Variants in NEDD4L observed in about 807,000 individuals in gnomAD.
The protein encoded by NEDD4L is E3 ubiquitin-protein ligase NEDD4-like.
A neutral mutation model predicts 148.9 loss-of-function variants in NEDD4L; 54 were observed. The ratio of observed to expected loss-of-function variants is 0.36; its 90% CI spans 0.29 to 0.45. The LOEUF is 0.45. NEDD4L is among the 20% of genes least tolerant of loss of function. The pLI is 1.00. For synonymous variants in NEDD4L, 433 were observed against 440.7 expected (o/e 0.98, Z 0.22); for missense variants, 856 against 1,233.8 (o/e 0.69, Z 4.59).
At chr18:58,199,197 A>C (rs2041103843) in intron 2 of NEDD4L, among the ~76,000 whole-genome samples, 2 of 152,282 alleles carry the variant, frequency 1.3e-5, no homozygotes, top group South Asian at 4.1e-4. Flanking sequence ...ATAGTTGTTT[A>C]ATCCACGTTG....
intron 21 of NEDD4L, among the ~76,000 whole-genome samples, chr18:58,367,510 G>A (rs2044709936): frequency 6.6e-6 from 1 of 152,186 alleles, no homozygotes; most frequent in African/African-American, 2.4e-5. Flanking sequence ...GTCAAAAACA[G>A]TCAAACATCA....
chr18:58,153,716 G>C (rs2035093191), intron 1 of NEDD4L, among the ~76,000 whole-genome samples: 1 of 151,636 alleles, frequency 6.6e-6, no homozygotes, highest in South Asian at 2.1e-4. Flanking sequence ...GCGCAATCTC[G>C]GCTCACTGCA....
At chr18:58,377,292 C>A (rs1489863737) in intron 24 of NEDD4L, among the ~76,000 whole-genome samples, 1 of 152,226 alleles carries the variant, frequency 6.6e-6, no homozygotes, top group African/African-American at 2.4e-5. Flanking sequence ...CATTCCTCCC[C>A]AATGCCAAAC....
In NEDD4L at chr18:58,234,045, T is replaced by TTTTCTTTCCTTCTTTC. The variant is rs1555753183; in HGVS notation, c.123-11374_123-11373insCTTCTTTCTTTCTTTC. On this transcript the variant is annotated intron_variant, in intron 2 of 30. Transcript: ENST00000400345. ...CAACCTAATGACCTCATTTCTTTCCTTTTCTTTCTTTCTTTCTTTCTTTCT... is the reference window on the plus strand; with the variant it reads ...CAACCTAATGACCTCATTTCTTTCCTTTTCTTTCCTTCTTTCTTTCTTTCTTTCTTTCTTTCTTTCT... Among the ~76,000 whole-genome samples the TTTTCTTTCCTTCTTTC allele has an allele frequency of 6.0e-4, 71 of 117,964 alleles. 1 individual carries two copies. Among genetic ancestry groups the TTTTCTTTCCTTCTTTC allele is most frequent in the South Asian group, 8.8e-4 (3 of 3,392 alleles). The allele number at this position is 117,964 out of a possible 152,430, so 77.4% of individuals were successfully genotyped here. A position where few individuals can be genotyped will look rare whatever the true frequency, so the allele number is the denominator to read the frequency against.
At chr18:58,323,439 T>A in intron 8 of NEDD4L, 105 bp downstream of exon 8, 1 of 683,682 alleles carries the variant, frequency 1.5e-6, no homozygotes, top group Admixed American at 2.7e-5. Context: ...AGCTTAAATA[T>A]AAAAAAAAGT....
intron 5 of NEDD4L, among the ~76,000 whole-genome samples, chr18:58,277,795 G>GT (rs1276663456): frequency 2.6e-5 from 4 of 151,974 alleles, no homozygotes; most frequent in East Asian, 3.8e-4. Context: ...TGTTTATGCT[G>GT]TTTTTTTAAA....
chr18:58,044,825 C>T, intron 1 of NEDD4L, 117 bp downstream of exon 1: 1 of 1,333,612 alleles, frequency 7.5e-7, no homozygotes. Context: ...GCAGGGGAGC[C>T]CCAAAGCGGG....
At chr18:58,336,902 G>C (rs986435363) in intron 13 of NEDD4L, among the ~76,000 whole-genome samples, 1 of 152,214 alleles carries the variant, frequency 6.6e-6, no homozygotes, top group African/African-American at 2.4e-5. Context: ...GGAGCTTTGA[G>C]GGGGACAAGA....
chr18:58,253,570 G>A (rs1310634466), intron 5 of NEDD4L, among the ~76,000 whole-genome samples: 1 of 152,220 alleles, frequency 6.6e-6, no homozygotes, highest in Non-Finnish European at 1.5e-5. Context: ...AGTGAGTTAA[G>A]CAGTATTGAG....
At chr18:58,320,262 T>G (rs185307282) in intron 6 of NEDD4L, among the ~76,000 whole-genome samples, 1 of 152,344 alleles carries the variant, frequency 6.6e-6, no homozygotes, top group East Asian at 1.9e-4. Flanking sequence ...CTCCCTGTTC[T>G]CTACCTCTCA....
intron 2 of NEDD4L, among the ~76,000 whole-genome samples, chr18:58,184,611 A>T (rs911995485): frequency 7.2e-5 from 11 of 152,072 alleles, no homozygotes; most frequent in African/African-American, 2.7e-4. Flanking sequence ...TTTGTTCATG[A>T]AGTCTTGGTT....
intron 5 of NEDD4L, among the ~76,000 whole-genome samples, chr18:58,254,485 T>C (rs576187086): frequency 6.6e-6 from 1 of 151,970 alleles, no homozygotes; most frequent in African/African-American, 2.4e-5. Context: ...TGTGGTAATA[T>C]TGCTGACTTC....
intron 2 of NEDD4L, among the ~76,000 whole-genome samples, chr18:58,206,090 T>C (rs1171318826): frequency 6.6e-6 from 1 of 152,174 alleles, no homozygotes; most frequent in Non-Finnish European, 1.5e-5. Context: ...GGGTACAGGA[T>C]GCACTGAAAC....
chr18:58,107,563 C>T (rs2085140162), intron 1 of NEDD4L, among the ~76,000 whole-genome samples: 1 of 152,112 alleles, frequency 6.6e-6, no homozygotes, highest in Non-Finnish European at 1.5e-5. Flanking sequence ...ACAAAAATTA[C>T]AAAATATCAG....
chr18:58,351,638 T>G (rs1212485381), intron 18 of NEDD4L, among the ~76,000 whole-genome samples: 2 of 152,254 alleles, frequency 1.3e-5, no homozygotes, highest in Non-Finnish European at 2.9e-5. Context: ...TAATAAAAGT[T>G]TGCTTTTTAG....
chr18:58,372,969 C>T, intron 23 of NEDD4L: 1 of 500,368 alleles, frequency 2.0e-6, no homozygotes, highest in East Asian at 3.6e-5. Context: ...CAGGATTTAA[C>T]TGCAAGCTCA....
intron 5 of NEDD4L, among the ~76,000 whole-genome samples, chr18:58,264,027 G>A (rs1670330): frequency 1.3e-5 from 2 of 152,058 alleles, no homozygotes; most frequent in Admixed American, 6.5e-5. Flanking sequence ...TGTTCCATAG[G>A]ACCTTACTGA....
intron 2 of NEDD4L, among the ~76,000 whole-genome samples, chr18:58,209,601 A>C (rs936758814): frequency 6.7e-6 from 1 of 149,816 alleles, no homozygotes; most frequent in Non-Finnish European, 1.5e-5. Flanking sequence ...AAAAATTCTA[A>C]GCATCATAGA....
intron 13 of NEDD4L, among the ~76,000 whole-genome samples, chr18:58,338,572 C>T (rs2042053405): frequency 6.6e-6 from 1 of 152,208 alleles, no homozygotes; most frequent in South Asian, 2.1e-4. Context: ...CTGTACTACA[C>T]TCCTAATTTT....
Sources: gnomAD v4.1 joint callset for allele counts (sites outside exome capture counted in the v4.1 genomes callset) on GRCh38, gnomAD v4.1.1 for gene constraint, MANE v1.5 for transcripts, NCBI Gene and HGNC (gene_info 2026-07-23, HGNC 2026-07-21) for gene names.